NTM: variants seen among roughly 807,000 people sequenced by gnomAD.
NTM encodes the protein neurotrimin, also known as IgLON family member 2.
NTM carries 13 observed loss-of-function variants against 42.1 expected under a neutral mutation model. That is an observed-to-expected ratio of 0.31 (90% CI 0.20 to 0.49). The LOEUF (loss-of-function observed/expected upper bound fraction) is 0.49, where lower values mean the gene tolerates loss of function less well. Among genes scored for constraint, NTM ranks in the 20% least tolerant of loss-of-function variants. The pLI is 0.99. For synonymous variants in NTM, 187 were observed against 179.2 expected (o/e 1.04, Z -0.35); for missense variants, 373 against 452.8 (o/e 0.82, Z 1.60).
intron 1 of NTM, among the ~76,000 whole-genome samples, chr11:131,383,390 G>A (rs180845508): frequency 2.6e-5 from 4 of 152,300 alleles, no homozygotes; most frequent in African/African-American, 9.6e-5. Context: ...GTTTGCTATG[G>A]CAGCATTTGG....
At chr11:132,014,117 C>T (rs1028813505) in intron 2 of NTM, among the ~76,000 whole-genome samples, 9 of 152,036 alleles carry the variant, frequency 5.9e-5, no homozygotes, top group African/African-American at 1.9e-4. Context: ...AGATTTTTGG[C>T]TCCCACATAT....
At chr11:131,883,034 C>A (rs1217263349) in intron 1 of NTM, among the ~76,000 whole-genome samples, 1 of 152,154 alleles carries the variant, frequency 6.6e-6, no homozygotes, top group African/African-American at 2.4e-5. Context: ...GTGCACATTT[C>A]TACTGAGGAA....
At chr11:132,169,320 C>CTTTTTTTTTTTTTTCTTTTTT (rs2075782214) in intron 3 of NTM, among the ~76,000 whole-genome samples, 2 of 32,358 alleles carry the variant, frequency 6.2e-5, no homozygotes, top group Admixed American at 6.6e-4. Context: ...AATTTTTTTA[C>CTTTTTTTTTTTTTTCTTTTTT]TTTTTTTTTT....
intron 1 of NTM, among the ~76,000 whole-genome samples, chr11:131,606,135 C>T (rs2060936923): frequency 6.6e-6 from 1 of 152,092 alleles, no homozygotes; most frequent in Non-Finnish European, 1.5e-5. Context: ...CCTCAACCTC[C>T]CTGGCTAAAG....
chr11:131,489,747 A>G (rs1047751774), intron 1 of NTM, among the ~76,000 whole-genome samples: 2 of 152,222 alleles, frequency 1.3e-5, no homozygotes, highest in Non-Finnish European at 2.9e-5. Flanking sequence ...ATACATTACT[A>G]AAAGAAGCCA....
intron 4 of NTM, among the ~76,000 whole-genome samples, chr11:132,296,868 G>A (rs1361131774): frequency 6.6e-6 from 1 of 152,234 alleles, no homozygotes; most frequent in Non-Finnish European, 1.5e-5. Context: ...CAGAGCCCAT[G>A]CACGTGTTTC....
At chr11:131,609,228 G>A (rs1426540815) in intron 1 of NTM, among the ~76,000 whole-genome samples, 1 of 152,206 alleles carries the variant, frequency 6.6e-6, no homozygotes, top group Admixed American at 6.5e-5. Flanking sequence ...AGGCACGCAG[G>A]CACTACCTTC....
At chr11:132,264,494 A>G (rs1266944245) in intron 4 of NTM, among the ~76,000 whole-genome samples, 1 of 152,204 alleles carries the variant, frequency 6.6e-6, no homozygotes, top group Non-Finnish European at 1.5e-5. Context: ...TTGTCATACA[A>G]CAGTTTTAGA....
chr11:132,222,238 A>C (rs1193537544), intron 4 of NTM, among the ~76,000 whole-genome samples: 2 of 152,058 alleles, frequency 1.3e-5, no homozygotes, highest in Non-Finnish European at 1.5e-5. Flanking sequence ...AACTGAGTCA[A>C]CCTTTCTCTT....
chr11:131,594,550 G>A (rs545962740), intron 1 of NTM, among the ~76,000 whole-genome samples: 3 of 143,688 alleles, frequency 2.1e-5, no homozygotes, highest in Non-Finnish European at 3.1e-5. Flanking sequence ...GCAGACCACC[G>A]CGCCCAGCTA....
At chr11:131,611,497 G>T (rs886563993) in intron 1 of NTM, among the ~76,000 whole-genome samples, 33 of 152,208 alleles carry the variant, frequency 2.2e-4, no homozygotes, top group Admixed American at 1.7e-3. Flanking sequence ...TGTGGAATCA[G>T]ATTGCTCTGG....
chr11:131,566,709 ATAT>A (rs1216204803), intron 1 of NTM, among the ~76,000 whole-genome samples: 1 of 152,180 alleles, frequency 6.6e-6, no homozygotes, highest in African/African-American at 2.4e-5. Context: ...TAAAAGGATA[ATAT>A]TGTTGGGCAA....
chr11:132,302,877 A>G (rs1256646168), intron 4 of NTM, among the ~76,000 whole-genome samples: 3 of 152,320 alleles, frequency 2.0e-5, no homozygotes, highest in East Asian at 1.9e-4. Context: ...GAGCGAAATC[A>G]CTAGTTCCCA....
intron 7 of NTM, among the ~76,000 whole-genome samples, chr11:132,328,076 C>A (rs1033617910): frequency 6.6e-6 from 1 of 151,528 alleles, no homozygotes; most frequent in African/African-American, 2.4e-5. Context: ...AGCAAGGCTC[C>A]TGCTTCTGGA....
At chr11:132,050,728 T>C (rs2078735650) in intron 2 of NTM, among the ~76,000 whole-genome samples, 2 of 152,110 alleles carry the variant, frequency 1.3e-5, no homozygotes, top group Admixed American at 1.3e-4. Context: ...GAGCAAAAGG[T>C]GCCCAGGCCA....
rs576870225 is a variant in NTM, at chr11:131,655,613, A to C, written c.83-255951A>C. ...CTTGGCCTGCTGGTGAGCTGGGACC[A>C]CAGCCCCTGCCGGGTCCATTCCCCA... On this transcript the variant is annotated intron_variant, in intron 1 of 8. Coordinates refer to ENST00000683400, the MANE Select transcript of NTM (RefSeq NM_001352005.2). 3.3e-5 allele frequency among the ~76,000 whole-genome samples: 5 copies of C among 152,326 alleles called. No homozygotes were observed. The East Asian group carries it at 7.7e-4, about 24-fold the overall frequency.
At chr11:132,199,424 T>A (rs1426627201) in intron 3 of NTM, among the ~76,000 whole-genome samples, 1 of 152,220 alleles carries the variant, frequency 6.6e-6, no homozygotes, top group Non-Finnish European at 1.5e-5. Context: ...TCAGGCTCTT[T>A]GATGTGCAGA....
chr11:131,961,982 C>T (rs1249464447), intron 2 of NTM, among the ~76,000 whole-genome samples: 1 of 152,048 alleles, frequency 6.6e-6, no homozygotes, highest in East Asian at 1.9e-4. Context: ...CACCAAGGCT[C>T]CATCAGCAAC....
chr11:132,230,476 G>A (rs552125678), intron 4 of NTM, among the ~76,000 whole-genome samples: 4 of 152,286 alleles, frequency 2.6e-5, no homozygotes, highest in African/African-American at 7.2e-5. Context: ...GGCATCAGCA[G>A]CTGTCTTTTC....
Sources: allele counts gnomAD v4.1 joint callset (sites outside exome capture counted in the v4.1 genomes callset), GRCh38; gene constraint gnomAD v4.1.1; transcripts MANE v1.5; gene names NCBI Gene and HGNC (gene_info 2026-07-23, HGNC 2026-07-21).